The following NUMB variants were observed in gnomAD, a reference collection of about 807,000 sequenced individuals.
NUMB encodes NUMB endocytic adaptor protein, also known as protein numb homolog.
A neutral mutation model predicts 59.7 loss-of-function variants in NUMB; 29 were observed. The ratio of observed to expected loss-of-function variants is 0.49; its 90% CI spans 0.36 to 0.66. The LOEUF (loss-of-function observed/expected upper bound fraction) is 0.66, where lower values mean the gene tolerates loss of function less well. Ranked by LOEUF, NUMB falls within the 30% of genes least tolerant of loss-of-function variation. The probability of loss-of-function intolerance (pLI) is 0.00; values close to 1 mark genes in which losing one functional copy is unlikely to be tolerated. For synonymous variants in NUMB, 288 were observed against 288.2 expected, an observed-to-expected ratio of 1.00 and a Z score of 0.01; for missense variants, 723 against 822.0, an observed-to-expected ratio of 0.88 and a Z score of 1.47.
At chr14:73,417,803 T>C (rs769572668) in intron 1 of NUMB, among the ~76,000 whole-genome samples, 3 of 152,150 alleles carry the variant, frequency 2.0e-5, no homozygotes, top group South Asian at 2.1e-4. Context: ...GATGGATGAA[T>C]GGCTAAACAA....
At chr14:73,361,662 A>G (rs796424949) in intron 3 of NUMB, among the ~76,000 whole-genome samples, 5 of 152,106 alleles carry the variant, frequency 3.3e-5, no homozygotes, top group African/African-American at 4.8e-5. Context: ...CCTTGTGTTC[A>G]TAAGTTCTTA....
intron 1 of NUMB, among the ~76,000 whole-genome samples, chr14:73,414,789 A>G (rs1458816478): frequency 4.6e-5 from 7 of 151,946 alleles, no homozygotes; most frequent in African/African-American, 1.5e-4. Flanking sequence ...GCGTGATCTC[A>G]GCTCACTGCA....
At chr14:73,352,439 C>T (rs867814201) in intron 4 of NUMB, among the ~76,000 whole-genome samples, 3,315 of 41,046 alleles carry the variant, frequency 0.081, 382 homozygotes, top group South Asian at 0.21. Context: ...TATATACACA[C>T]ACACACACAC....
At chr14:73,371,616 T>C (rs1285715566) in intron 2 of NUMB, among the ~76,000 whole-genome samples, 2 of 152,198 alleles carry the variant, frequency 1.3e-5, no homozygotes, top group African/African-American at 2.4e-5. Flanking sequence ...CAGGGTGTTA[T>C]GACTTGAATA....
At chr14:73,406,691 CTAGTT>C (rs1896688073) in intron 2 of NUMB, among the ~76,000 whole-genome samples, 1 of 152,162 alleles carries the variant, frequency 6.6e-6, no homozygotes, top group Non-Finnish European at 1.5e-5. Context: ...CGATGGTTGA[CTAGTT>C]TACACTCCCA....
intron 2 of NUMB, among the ~76,000 whole-genome samples, chr14:73,373,825 T>A (rs1594961798): frequency 6.7e-6 from 1 of 149,996 alleles, no homozygotes; most frequent in South Asian, 2.2e-4. Context: ...CACCTCAGCC[T>A]CCCAAGTAGC....
At position 73,455,572 on chromosome 14, in the gene NUMB, G is replaced by C. The variant is rs546559394; in HGVS notation, c.-233+2921C>G. Among the ~76,000 whole-genome samples, 14 of 152,182 alleles carry C rather than the reference G, an allele frequency of 9.2e-5. No individual in the cohort carries two copies. In the South Asian group the frequency reaches 1.5e-3, roughly 16 times the overall value. On this transcript the variant is annotated intron_variant, in intron 1 of 12. Transcript: ENST00000555238. ...CTTTGTAGTTAAGCCTCTATCCCAGGTGCATTTTGCTGTCACATATTACCA... is the reference window on the plus strand; with the variant it reads ...CTTTGTAGTTAAGCCTCTATCCCAGCTGCATTTTGCTGTCACATATTACCA...
In NUMB at chr14:73,352,439, CACACACACACACACACACAT is replaced by C. The variant is rs1198479787; in HGVS notation, c.126+3167_126+3186del. On this transcript the variant is annotated intron_variant, in intron 4 of 12. Coordinates refer to ENST00000555238, the MANE Select transcript of NUMB (RefSeq NM_001005743.2). ...GGTTGTAATAATATATATATACACACACACACACACACACACACATACACACACACACACACACATATATA... is the reference window on the plus strand; with the variant it reads ...GGTTGTAATAATATATATATACACACACACACACACACACACACATATATA... Among the ~76,000 whole-genome samples the C allele has an allele frequency of 6.1e-3, 250 of 41,122 alleles. 3 individuals are homozygous for C. The highest frequency in any genetic ancestry group is 9.4e-3 in the East Asian group (13 of 1,376). 27.0% of individuals were successfully genotyped at this position (41,122 alleles called of 152,430 possible).
intron 2 of NUMB, among the ~76,000 whole-genome samples, chr14:73,372,317 A>ATATATATATATATATATATAACCTTT (rs1319804445): frequency 9.3e-6 from 1 of 107,696 alleles, no homozygotes; most frequent in African/African-American, 3.3e-5. Context: ...ATATATATAT[A>ATATATATATATATATATATAACCTTT]TATATATATA....
intron 9 of NUMB, chr14:73,286,899 A>G (rs1889044358): frequency 3.5e-6 from 2 of 567,756 alleles, no homozygotes; most frequent in South Asian, 4.1e-5. Context: ...GATTCCTCAG[A>G]TAGCTTACTA....
At chr14:73,346,357 G>A (rs1471184876) in intron 4 of NUMB, among the ~76,000 whole-genome samples, 1 of 151,834 alleles carries the variant, frequency 6.6e-6, no homozygotes, top group Non-Finnish European at 1.5e-5. Context: ...ACACATGTCT[G>A]TAATCCCAAC....
intron 2 of NUMB, among the ~76,000 whole-genome samples, chr14:73,392,234 G>T (rs1895889305): frequency 6.6e-6 from 1 of 152,190 alleles, no homozygotes; most frequent in South Asian, 2.1e-4. Context: ...AGCCCCTGAA[G>T]GTCATTCTTG....
intron 1 of NUMB, among the ~76,000 whole-genome samples, chr14:73,437,560 T>C (rs2333140): frequency 0.24 from 36,037 of 152,090 alleles, 4,325 homozygotes; most frequent in Non-Finnish European, 0.25. Flanking sequence ...AAACAACAGA[T>C]GTAAGAAACA....
intron 5 of NUMB, among the ~76,000 whole-genome samples, chr14:73,322,565 C>G (rs1247103363): frequency 6.6e-6 from 1 of 152,134 alleles, no homozygotes; most frequent in Non-Finnish European, 1.5e-5. Flanking sequence ...AGACCTCTAT[C>G]CTCTAGTTTT....
At chr14:73,418,471 CA>C (rs1416037622) in intron 1 of NUMB, among the ~76,000 whole-genome samples, 1 of 152,058 alleles carries the variant, frequency 6.6e-6, no homozygotes, top group African/African-American at 2.4e-5. Flanking sequence ...CATTTAGAAA[CA>C]GTTAAAACAG....
At chr14:73,371,068 C>T (rs1162551841) in intron 2 of NUMB, among the ~76,000 whole-genome samples, 1 of 152,108 alleles carries the variant, frequency 6.6e-6, no homozygotes, top group Non-Finnish European at 1.5e-5. Flanking sequence ...GGATTACAGG[C>T]GTGAGCCCGC....
intron 2 of NUMB, among the ~76,000 whole-genome samples, chr14:73,384,007 ACT>A (rs1267538730): frequency 6.6e-6 from 1 of 152,014 alleles, no homozygotes; most frequent in Non-Finnish European, 1.5e-5. Flanking sequence ...ACAGAGTGAG[ACT>A]CTGTCTCAAA....
In NUMB at chr14:73,276,231, G is replaced by A; in HGVS notation, c.*347C>T. On this transcript the variant is annotated 3_prime_UTR_variant, in exon 13 of 13. Coordinates refer to ENST00000555238, the MANE Select transcript of NUMB (RefSeq NM_001005743.2). ...ACAAAGGGAGATTGCTTTGCTTCCTGTTGTGTTTTACATTTCAGTAAATGT... is the reference window on the plus strand; with the variant it reads ...ACAAAGGGAGATTGCTTTGCTTCCTATTGTGTTTTACATTTCAGTAAATGT... The A allele has an allele frequency of 4.9e-6, 1 of 205,780 alleles. No homozygotes were observed. The allele number at this position is 205,780 out of a possible 1,614,324, so 12.7% of individuals were successfully genotyped here. A position where few individuals can be genotyped will look rare whatever the true frequency, so the allele number is the denominator to read the frequency against.
intron 5 of NUMB, among the ~76,000 whole-genome samples, chr14:73,321,222 G>A (rs1891385277): frequency 6.6e-6 from 1 of 152,052 alleles, no homozygotes; most frequent in African/African-American, 2.4e-5. Flanking sequence ...CTTTCTAAAG[G>A]CTCATTCCAC....
Sources: gnomAD v4.1 joint callset for allele counts (sites outside exome capture counted in the v4.1 genomes callset) on GRCh38, gnomAD v4.1.1 for gene constraint, MANE v1.5 for transcripts, NCBI Gene and HGNC (gene_info 2026-07-23, HGNC 2026-07-21) for gene names.